The following AP2A2 variants were observed in gnomAD, a reference collection of about 807,000 sequenced individuals.
The protein encoded by AP2A2 is AP-2 complex subunit alpha-2.
A neutral mutation model predicts 104.2 loss-of-function variants in AP2A2; 32 were observed. The ratio of observed to expected loss-of-function variants is 0.31; its 90% CI spans 0.23 to 0.41. The LOEUF (loss-of-function observed/expected upper bound fraction) is 0.41, where lower values mean the gene tolerates loss of function less well. Ranked by LOEUF, AP2A2 falls within the 10% of genes least tolerant of loss-of-function variation. The pLI is 1.00. For synonymous variants in AP2A2, 539 were observed against 533.3 expected, an observed-to-expected ratio of 1.01 and a Z score of -0.15; for missense variants, 912 against 1,261.0, an observed-to-expected ratio of 0.72 and a Z score of 4.19.
chr11:963,034 G>C (rs1463335579), intron 2 of AP2A2, among the ~76,000 whole-genome samples: 2 of 152,038 alleles, frequency 1.3e-5, no homozygotes, highest in Non-Finnish European at 2.9e-5. Flanking sequence ...AGGTCTAAAG[G>C]CTCTGGCAGC....
chr11:1,004,453 A>G (rs753440342), intron 16 of AP2A2, among the ~76,000 whole-genome samples: 21 of 152,068 alleles, frequency 1.4e-4, no homozygotes, highest in Non-Finnish European at 2.4e-4. Context: ...AGCCTGGGCA[A>G]CAGAGTGAGA....
chr11:990,297 C>T (rs1855602145), intron 10 of AP2A2, among the ~76,000 whole-genome samples: 1 of 152,142 alleles, frequency 6.6e-6, no homozygotes, highest in Non-Finnish European at 1.5e-5. Flanking sequence ...TAGGGCAGGG[C>T]TGTCTGTAGA....
rs184980330 is a variant in AP2A2 at position 999,372 on chromosome 11, C to T, written c.1957-1060C>T. Among the ~76,000 whole-genome samples the T allele has an allele frequency of 3.9e-3, 590 of 152,228 alleles. 2 individuals are homozygous for T. Among genetic ancestry groups the T allele is most frequent in the Middle Eastern group, 0.014 (4 of 294 alleles). On this transcript the variant is annotated intron_variant, in intron 14 of 21. Coordinates refer to ENST00000448903, the MANE Select transcript of AP2A2 (RefSeq NM_012305.4). ...ACTGAAAATACAAAAATTAACTGGG[C>T]GTGATGGCGGCCACCTGTAATCCCA...
chr11:950,045 T>C (rs1305915448), intron 1 of AP2A2, among the ~76,000 whole-genome samples: 3 of 152,286 alleles, frequency 2.0e-5, no homozygotes, highest in South Asian at 2.1e-4. Context: ...GATAATAATA[T>C]TGAGAGTACA....
In AP2A2 at chr11:988,661, CA is replaced by C. The variant is rs1564811901; in HGVS notation, c.1242del (p.Ala415LeufsTer11). On this transcript the variant is annotated frameshift_variant, in exon 10 of 22. Transcript: ENST00000448903. LOFTEE classifies it high-confidence loss of function. ...IVAEMLSYLE[T>X]ADYSIREEIV... is the part of the protein sequence containing the mutation. The stretch of plus-strand genomic sequence containing the variant: ...GCCGAGATGCTGAGCTATCTGGAGA[CA>C]GCTGACTACTCCATCCGAGAAGAGA... 1 of 1,613,760 alleles carries C rather than the reference CA, an allele frequency of 6.2e-7. No homozygotes were observed. The highest frequency in any genetic ancestry group is 8.5e-7 in the Non-Finnish European group (1 of 1,179,896).
chr11:956,598 G>C (rs1221955541), intron 1 of AP2A2, among the ~76,000 whole-genome samples: 3 of 152,160 alleles, frequency 2.0e-5, no homozygotes, highest in African/African-American at 7.2e-5. Context: ...TACTCTTTAA[G>C]CCTCAGTTTT....
intron 3 of AP2A2, among the ~76,000 whole-genome samples, chr11:970,902 C>T (rs1245201235): frequency 6.6e-6 from 1 of 152,228 alleles, no homozygotes; most frequent in Non-Finnish European, 1.5e-5. Flanking sequence ...TGCACAGTGT[C>T]CTGTCACTCT....
intron 1 of AP2A2, among the ~76,000 whole-genome samples, chr11:941,418 G>A (rs546663864): frequency 6.6e-6 from 1 of 152,204 alleles, no homozygotes; most frequent in South Asian, 2.1e-4. Flanking sequence ...CCTGAGAGAA[G>A]GCTTTGGGGA....
chr11:940,925 C>T, intron 1 of AP2A2: 1 of 456,082 alleles, frequency 2.2e-6, no homozygotes, highest in Non-Finnish European at 4.4e-6. Flanking sequence ...AGCCCGGCTG[C>T]CATCATTCTG....
At chr11:966,813 G>A (rs7481221) in intron 2 of AP2A2, among the ~76,000 whole-genome samples, 13,225 of 152,024 alleles carry the variant, frequency 0.087, 589 homozygotes, top group South Asian at 0.11. Context: ...AAGAGAAGGC[G>A]TGGAGGCTCT....
Position 959,423 on chromosome 11 carries a change from G to C in AP2A2, c.68-14G>C. The C allele has an allele frequency of 6.7e-7, 1 of 1,496,292 alleles. No individual in the cohort carries two copies. Among genetic ancestry groups the C allele is most frequent in the South Asian group, 1.2e-5 (1 of 86,202 alleles). 92.7% of individuals were successfully genotyped at this position (1,496,292 alleles called of 1,614,324 possible). ...TCAATTAAAATAAAAATGGCTTTTT[G>C]TTCTTTTTTTTAGGTAAAAGTAAAG... On this transcript the variant is annotated splice_polypyrimidine_tract_variant and intron_variant, in intron 1 of 21. Coordinates refer to ENST00000448903, the MANE Select transcript of AP2A2 (RefSeq NM_012305.4).
intron 9 of AP2A2, 85 bp downstream of exon 9, chr11:987,038 C>T (rs987654036): frequency 1.4e-6 from 2 of 1,442,542 alleles, no homozygotes; most frequent in East Asian, 2.5e-5. Flanking sequence ...CGCAGTGCCT[C>T]CTGACTCCCC....
chr11:995,111 C>CA (rs1491188090), intron 14 of AP2A2, among the ~76,000 whole-genome samples: 1 of 152,250 alleles, frequency 6.6e-6, no homozygotes, highest in Admixed American at 6.5e-5. Flanking sequence ...CAGCTCAGCT[C>CA]ACACATCCTC....
chr11:930,771 C>T (rs7483631), intron 1 of AP2A2, among the ~76,000 whole-genome samples: 15,928 of 152,266 alleles, frequency 0.1, 1,259 homozygotes, highest in South Asian at 0.34. Flanking sequence ...CCACCGGCCT[C>T]GGCCTCCCAA....
At chr11:960,352 C>T (rs1854389229) in intron 2 of AP2A2, among the ~76,000 whole-genome samples, 1 of 152,024 alleles carries the variant, frequency 6.6e-6, no homozygotes. Context: ...AAGCGGTTCT[C>T]CTGCCTCAGC....
chr11:1,008,848 A>G (rs1856300929), intron 18 of AP2A2: 1 of 549,888 alleles, frequency 1.8e-6, no homozygotes, highest in Non-Finnish European at 3.2e-6. Context: ...GTTCTGGGAA[A>G]CAGATGAATG....
rs1340786723 is a variant in AP2A2, at chr11:1,011,178, G to T, written c.*553G>T. 1 of 527,852 alleles carries T rather than the reference G, an allele frequency of 1.9e-6. No individual in the cohort carries two copies. Among genetic ancestry groups the T allele is most frequent in the Non-Finnish European group, 3.8e-6 (1 of 266,050 alleles). The allele number at this position is 527,852 out of a possible 1,614,324, so 32.7% of individuals were successfully genotyped here. ...TTTAATCTAGAATTTAGAAACATTT[G>T]TATTTGTAATGACTTCTGGCAAAAG... On this transcript the variant is annotated 3_prime_UTR_variant, in exon 22 of 22. Coordinates refer to ENST00000448903, the MANE Select transcript of AP2A2 (RefSeq NM_012305.4).
At chr11:969,219 CCTTT>C (rs138709196) in intron 2 of AP2A2, among the ~76,000 whole-genome samples, 1,329 of 112,796 alleles carry the variant, frequency 0.012, 197 homozygotes, top group Non-Finnish European at 0.017. Context: ...GTAGAACAGC[CCTTT>C]TTTTTTTTTT....
At chr11:955,932 G>A (rs906084646) in intron 1 of AP2A2, among the ~76,000 whole-genome samples, 1 of 152,114 alleles carries the variant, frequency 6.6e-6, no homozygotes, top group Non-Finnish European at 1.5e-5. Flanking sequence ...CGCTTGTGTC[G>A]TGTTCTGATG....
Sources: gnomAD v4.1 joint callset for allele counts (sites outside exome capture counted in the v4.1 genomes callset) on GRCh38, gnomAD v4.1.1 for gene constraint, MANE v1.5 for transcripts, NCBI Gene and HGNC (gene_info 2026-07-23, HGNC 2026-07-21) for gene names.